The following FAM135B variants were observed in gnomAD, a reference collection of about 807,000 sequenced individuals.
FAM135B encodes family with sequence similarity 135 member B.
A neutral mutation model predicts 127.7 loss-of-function variants in FAM135B; 43 were observed. The ratio of observed to expected loss-of-function variants is 0.34; its 90% CI spans 0.26 to 0.43. The LOEUF (loss-of-function observed/expected upper bound fraction) is 0.43. FAM135B is among the 20% of genes least tolerant of loss of function. The pLI is 1.00. For missense variants in FAM135B, 1,558 were observed against 1,725.6 expected, an observed-to-expected ratio of 0.90 and a Z score of 1.72; for synonymous variants, 670 against 665.1, an observed-to-expected ratio of 1.01 and a Z score of -0.11.
At chr8:138,472,934 T>C (rs1392285927) in intron 1 of FAM135B, among the ~76,000 whole-genome samples, 1 of 152,152 alleles carries the variant, frequency 6.6e-6, no homozygotes, top group Non-Finnish European at 1.5e-5. Context: ...ATGGAGCACA[T>C]TTTATCTGGA....
intron 2 of FAM135B, among the ~76,000 whole-genome samples, chr8:138,326,589 C>A (rs1827809163): frequency 6.6e-6 from 1 of 152,080 alleles, no homozygotes; most frequent in African/African-American, 2.4e-5. Flanking sequence ...AACCTGCAAC[C>A]AGTTCCAAGC....
At chr8:138,389,214 T>G (rs1003518812) in intron 1 of FAM135B, among the ~76,000 whole-genome samples, 7 of 152,332 alleles carry the variant, frequency 4.6e-5, no homozygotes, top group Middle Eastern at 3.4e-3. Flanking sequence ...GAATATGGAA[T>G]GATGCAACAG....
At chr8:138,375,816 C>T (rs1831434564) in intron 1 of FAM135B, among the ~76,000 whole-genome samples, 1 of 152,094 alleles carries the variant, frequency 6.6e-6, no homozygotes, top group African/African-American at 2.4e-5. Context: ...AGTCTTTCTT[C>T]TCTATTCCAA....
intron 12 of FAM135B, among the ~76,000 whole-genome samples, chr8:138,157,228 CT>C (rs1206934192): frequency 6.6e-6 from 1 of 152,130 alleles, no homozygotes; most frequent in African/African-American, 2.4e-5. Flanking sequence ...CAGAAAAGGC[CT>C]TTGACAAAAT....
intron 3 of FAM135B, among the ~76,000 whole-genome samples, chr8:138,307,164 T>C (rs1436695181): frequency 1.3e-5 from 2 of 152,190 alleles, no homozygotes; most frequent in African/African-American, 2.4e-5. Flanking sequence ...AACTGAATCA[T>C]GGAGGCAAGT....
chr8:138,199,162 C>T (rs140265183), intron 7 of FAM135B, among the ~76,000 whole-genome samples: 11 of 152,288 alleles, frequency 7.2e-5, no homozygotes, highest in South Asian at 4.1e-4. Flanking sequence ...AGTCGACACA[C>T]GTCTGTACAT....
At chr8:138,235,826 C>A (rs1820231246) in intron 7 of FAM135B, among the ~76,000 whole-genome samples, 1 of 152,204 alleles carries the variant, frequency 6.6e-6, no homozygotes, top group African/African-American at 2.4e-5. Flanking sequence ...TGCAATTCGA[C>A]TTAAAGACAG....
intron 1 of FAM135B, among the ~76,000 whole-genome samples, chr8:138,382,439 G>A (rs1831915453): frequency 6.6e-6 from 1 of 152,140 alleles, no homozygotes; most frequent in Non-Finnish European, 1.5e-5. Flanking sequence ...TCGGCTCATA[G>A]TCTCACAGGG....
intron 1 of FAM135B, among the ~76,000 whole-genome samples, 163 bp downstream of exon 1, chr8:138,496,508 G>T (rs1012685286): frequency 6.6e-6 from 1 of 152,200 alleles, no homozygotes; most frequent in Non-Finnish European, 1.5e-5. Context: ...CAAACCTGGA[G>T]GGCAGAGAGA....
intron 5 of FAM135B, among the ~76,000 whole-genome samples, chr8:138,251,758 C>T (rs1821715394): frequency 1.3e-5 from 2 of 152,176 alleles, no homozygotes; most frequent in Non-Finnish European, 2.9e-5. Flanking sequence ...AACCTGGGGC[C>T]ACGTTCGCCC....
rs781427760 is a variant in FAM135B, at chr8:138,152,457, G to C, written c.2018C>G (p.Ser673Cys). The C allele has an allele frequency of 3.7e-6, 6 of 1,614,176 alleles. No homozygotes were observed. The East Asian group carries it at 1.3e-4, about 36-fold the overall frequency. Residue 673 changes from serine to cysteine, a missense_variant, in exon 13 of 20, where the codon TCC becomes TGC. Ser to Cys is a moderately radical substitution (Grantham distance 112). This residue lies in a region of FAM135B where 923 missense variants were observed against 865.3 expected (regional missense o/e 1.07). Coordinates refer to ENST00000395297, the MANE Select transcript of FAM135B (RefSeq NM_015912.4). The part of the protein sequence containing the change: ...TEEQEELSVL[S>C]GVIKRSSSII... ...GGATGAAGATCTCTTGATGACCCCG[G>C]ATAGCACTGAGAGTTCCTCCTGCTC...
intron 2 of FAM135B, among the ~76,000 whole-genome samples, chr8:138,335,236 G>A (rs1828483384): frequency 6.6e-6 from 1 of 152,062 alleles, no homozygotes; most frequent in Non-Finnish European, 1.5e-5. Flanking sequence ...AGAACTCGAG[G>A]GATTTTCAGA....
intron 9 of FAM135B, among the ~76,000 whole-genome samples, chr8:138,194,246 G>A (rs72721694): frequency 0.19 from 28,669 of 151,958 alleles, 3,591 homozygotes; most frequent in Non-Finnish European, 0.26. Flanking sequence ...CCAGGCTGCC[G>A]TCCAACAGCC....
chr8:138,494,750 G>C (rs1564042558), intron 1 of FAM135B, among the ~76,000 whole-genome samples: 2 of 151,606 alleles, frequency 1.3e-5, no homozygotes, highest in African/African-American at 4.9e-5. Context: ...AGAGTTGGAT[G>C]AAAGTAATCC....
intron 2 of FAM135B, among the ~76,000 whole-genome samples, chr8:138,360,023 G>T (rs537187812): frequency 2.0e-5 from 3 of 152,132 alleles, no homozygotes; most frequent in Admixed American, 1.3e-4. Flanking sequence ...GATGAGAACA[G>T]AATTTCTCAG....
Position 138,178,580 on chromosome 8 carries a change from G to A in FAM135B, c.984C>T (p.His328=), listed in dbSNP as rs914683462. ...WTQFLDTVTL[H]SQVTTYLTQE... is the part of the protein sequence containing the mutation. ...GGGTGAGATAAGTGGTCACTTGGGA[G>A]TGCAGAGTGACTGTGTCCAGGAACT... is the stretch of plus-strand genomic sequence containing the variant. Residue 328 remains histidine, a synonymous_variant, in exon 10 of 20, where the codon CAC becomes CAT. Coordinates refer to ENST00000395297, the MANE Select transcript of FAM135B (RefSeq NM_015912.4). 2.5e-6 allele frequency: 4 copies of A among 1,614,092 alleles called. No homozygotes were observed. The highest frequency in any genetic ancestry group is 2.2e-5 in the South Asian group (2 of 91,086).
At chr8:138,226,184 T>TGTGTGTGTGTGCGCGCGCGCGCGC in intron 7 of FAM135B, among the ~76,000 whole-genome samples, 52 of 139,290 alleles carry the variant, frequency 3.7e-4, no homozygotes, top group Admixed American at 5.7e-4. Context: ...TGTGTGTGTG[T>TGTGTGTGTGTGCGCGCGCGCGCGC]GCGCGCATGT....
intron 7 of FAM135B, among the ~76,000 whole-genome samples, chr8:138,199,410 T>C (rs1816927961): frequency 6.6e-6 from 1 of 152,146 alleles, no homozygotes; most frequent in Non-Finnish European, 1.5e-5. Flanking sequence ...TGTGCAGCTG[T>C]AAAGCAGGAT....
chr8:138,183,077 A>G (rs528006289), intron 9 of FAM135B, among the ~76,000 whole-genome samples: 10 of 145,330 alleles, frequency 6.9e-5, no homozygotes, highest in Non-Finnish European at 1.4e-4. Flanking sequence ...ATCTCAGTTC[A>G]GTGCCATCCA....
Sources: allele counts gnomAD v4.1 joint callset (sites outside exome capture counted in the v4.1 genomes callset), GRCh38; gene constraint gnomAD v4.1.1; regional missense constraint gnomAD v4.1.1; transcripts MANE v1.5; gene names NCBI Gene and HGNC (gene_info 2026-07-23, HGNC 2026-07-21).